SOX5: variants seen among roughly 807,000 people sequenced by gnomAD.
SOX5 encodes transcription factor SOX-5.
In SOX5, 9 loss-of-function variants were observed where a neutral mutation model predicts 92.0. The ratio of observed to expected loss-of-function variants is 0.10; its 90% CI spans 0.06 to 0.17. SOX5 has a LOEUF of 0.17. SOX5 is among the 10% of genes least tolerant of loss of function. SOX5 has a pLI of 1.00. For synonymous variants in SOX5, 344 were observed against 336.3 expected (o/e 1.02, Z -0.25); for missense variants, 642 against 944.5 (o/e 0.68, Z 4.20).
rs559495747 is a variant in SOX5 at position 24,505,131 on chromosome 12, A to T, written c.-251+57198T>A. Among the ~76,000 whole-genome samples, 6 of 152,354 alleles carry T rather than the reference A, an allele frequency of 3.9e-5. No individual in the cohort carries two copies. In the East Asian group the frequency reaches 9.6e-4, roughly 24 times the overall value. ...TGCCTACATCTGGAAAAGGCCAGGCAGCCCTATTGTGCCTAATTTTCTTGT... is the reference window on the plus strand; with the variant it reads ...TGCCTACATCTGGAAAAGGCCAGGCTGCCCTATTGTGCCTAATTTTCTTGT... On this transcript the variant is annotated intron_variant, in intron 1 of 4. Coordinates refer to the SOX5 transcript ENST00000446891.
At chr12:24,039,207 G>A (rs749910172) in intron 4 of SOX5, among the ~76,000 whole-genome samples, 1 of 152,118 alleles carries the variant, frequency 6.6e-6, no homozygotes, top group Non-Finnish European at 1.5e-5. Flanking sequence ...ATCCCCAGAA[G>A]TAATGTAGCC....
At chr12:24,505,856 T>C (rs78292898) in intron 1 of SOX5, among the ~76,000 whole-genome samples, 38,832 of 99,386 alleles carry the variant, frequency 0.39, 5,855 homozygotes, top group East Asian at 0.77. Context: ...TGTGTGTGCG[T>C]GTGTGTGTGT....
intron 4 of SOX5, among the ~76,000 whole-genome samples, chr12:24,153,187 T>C (rs1951832374): frequency 6.6e-6 from 1 of 152,140 alleles, no homozygotes; most frequent in African/African-American, 2.4e-5. Flanking sequence ...AAGAAATTTC[T>C]TACAATTTGC....
chr12:24,034,677 T>C (rs1955849172), intron 4 of SOX5, among the ~76,000 whole-genome samples: 1 of 151,916 alleles, frequency 6.6e-6, no homozygotes, highest in Admixed American at 6.6e-5. Context: ...AGTACTTCTA[T>C]GATCCTCTGA....
chr12:23,626,517 C>T (rs897374902), intron 8 of SOX5, among the ~76,000 whole-genome samples: 1 of 152,008 alleles, frequency 6.6e-6, no homozygotes, highest in Non-Finnish European at 1.5e-5. Flanking sequence ...GCATTTCTTT[C>T]GAATGCCTCA....
chr12:23,627,983 CTTG>C (rs1474342711), intron 8 of SOX5, among the ~76,000 whole-genome samples: 1 of 151,920 alleles, frequency 6.6e-6, no homozygotes, highest in Non-Finnish European at 1.5e-5. Context: ...TAATGCTAGG[CTTG>C]TATCTTAGGT....
intron 4 of SOX5, among the ~76,000 whole-genome samples, chr12:24,209,743 G>A (rs2139652614): frequency 6.6e-6 from 1 of 152,156 alleles, no homozygotes; most frequent in South Asian, 2.1e-4. Flanking sequence ...TTCCGGCCGG[G>A]CGCGGTGGCT....
In SOX5 at chr12:24,155,380, C is replaced by T. The variant is rs141962972; in HGVS notation, c.-2+57963G>A. Among the ~76,000 whole-genome samples, 275 of 152,106 alleles carry T rather than the reference C, an allele frequency of 1.8e-3. 2 individuals are homozygous for T. Among genetic ancestry groups the T allele is most frequent in the African/African-American group, 6.3e-3 (262 of 41,492 alleles). On this transcript the variant is annotated intron_variant, in intron 4 of 4. Transcript: ENST00000446891. ...AACTATTTTGAGTATTTTTAAAGAG[C>T]TTCCAAACTTCTTCATTATCAAACT...
intron 12 of SOX5, among the ~76,000 whole-genome samples, chr12:23,544,675 G>A (rs1365544307): frequency 6.6e-6 from 1 of 152,166 alleles, no homozygotes; most frequent in Admixed American, 6.5e-5. Context: ...TCACATACAA[G>A]CATGATTGAA....
chr12:24,337,199 A>C (rs1168471211), intron 2 of SOX5, among the ~76,000 whole-genome samples: 2 of 152,140 alleles, frequency 1.3e-5, no homozygotes, highest in African/African-American at 4.8e-5. Context: ...TTTTGTACAC[A>C]TGGCTTTCAA....
chr12:23,801,869 T>A (rs564549824), intron 3 of SOX5, among the ~76,000 whole-genome samples: 2 of 152,276 alleles, frequency 1.3e-5, no homozygotes, highest in African/African-American at 4.8e-5. Context: ...CCATCTTGAC[T>A]ACTACTGTTT....
At chr12:24,497,440 AGGTGT>A (rs1266928008) in intron 1 of SOX5, among the ~76,000 whole-genome samples, 2 of 152,220 alleles carry the variant, frequency 1.3e-5, no homozygotes, top group Admixed American at 1.3e-4. Context: ...TCTGACAGCG[AGGTGT>A]AGAGGGTCTT....
intron 4 of SOX5, among the ~76,000 whole-genome samples, chr12:23,971,649 T>C (rs953060909): frequency 1.3e-5 from 2 of 151,872 alleles, no homozygotes; most frequent in African/African-American, 4.8e-5. Flanking sequence ...GTATATATCA[T>C]AGTTATTTAA....
At chr12:24,115,591 A>T (rs542488180) in intron 4 of SOX5, among the ~76,000 whole-genome samples, 1 of 152,352 alleles carries the variant, frequency 6.6e-6, no homozygotes, top group East Asian at 1.9e-4. Flanking sequence ...TTACTAGAAT[A>T]TGTGAGAAGC....
chr12:23,594,742 A>G (rs1034739055), intron 9 of SOX5, among the ~76,000 whole-genome samples: 1 of 152,112 alleles, frequency 6.6e-6, no homozygotes, highest in Admixed American at 6.5e-5. Context: ...TCATTTCCCA[A>G]CCTGACTCTT....
intron 3 of SOX5, among the ~76,000 whole-genome samples, chr12:23,838,416 A>T (rs1317802229): frequency 6.6e-6 from 1 of 151,798 alleles, no homozygotes; most frequent in Non-Finnish European, 1.5e-5. Context: ...AATAAAAGTG[A>T]GTCTATTTAT....
chr12:23,970,589 A>T (rs1948110665), intron 4 of SOX5, among the ~76,000 whole-genome samples: 1 of 151,394 alleles, frequency 6.6e-6, no homozygotes, highest in Non-Finnish European at 1.5e-5. Context: ...CTGAGCATAA[A>T]GTTTTCAAAG....
rs78746610 is a variant in SOX5, at chr12:24,364,766, A to G, written c.-174+3797T>C. ...TGTTTTCTACTCACAGAAAATTGACACTATGTAAACATATGTTGTAACCTA... is the reference window on the plus strand; with the variant it reads ...TGTTTTCTACTCACAGAAAATTGACGCTATGTAAACATATGTTGTAACCTA... On this transcript the variant is annotated intron_variant, in intron 2 of 4. Transcript: ENST00000446891. 1.6e-3 allele frequency among the ~76,000 whole-genome samples: 238 copies of G among 152,108 alleles called. 1 individual carries two copies. The highest frequency in any genetic ancestry group is 5.4e-3 in the African/African-American group (223 of 41,522).
At chr12:23,799,463 T>C (rs982477454) in intron 3 of SOX5, among the ~76,000 whole-genome samples, 3 of 152,022 alleles carry the variant, frequency 2.0e-5, no homozygotes, top group African/African-American at 7.2e-5. Flanking sequence ...AAAAATATTG[T>C]AGGCACACCC....
Sources: allele counts gnomAD v4.1 joint callset (sites outside exome capture counted in the v4.1 genomes callset), GRCh38; gene constraint gnomAD v4.1.1; transcripts MANE v1.5; gene names NCBI Gene and HGNC (gene_info 2026-07-23, HGNC 2026-07-21).